FAM174C: variants seen among roughly 807,000 people sequenced by gnomAD.
FAM174C encodes the protein protein FAM174C.
Under a neutral mutation model 12.3 loss-of-function variants are expected in FAM174C, and 19 were observed. The observed-to-expected ratio is 1.55, with a 90% confidence interval of 1.08 to 2.27. FAM174C has a LOEUF of 2.27. Among genes scored for constraint, FAM174C ranks in the 30% most tolerant of loss-of-function variants. The probability of loss-of-function intolerance (pLI) is 0.00; values close to 1 mark genes in which losing one functional copy is unlikely to be tolerated. For missense variants in FAM174C, 239 were observed against 190.2 expected, an observed-to-expected ratio of 1.26 and a Z score of -1.51; for synonymous variants, 147 against 103.5, an observed-to-expected ratio of 1.42 and a Z score of -2.55.
At position 1,275,775 on chromosome 19, in the gene FAM174C, G is replaced by GT; in HGVS notation, c.227dup (p.Ile77AspfsTer18). The GT allele has an allele frequency of 6.5e-7, 1 of 1,539,758 alleles. No homozygotes were observed. Among genetic ancestry groups the GT allele is most frequent in the Middle Eastern group, 1.7e-4 (1 of 5,918 alleles). ...CTCGGCGCTGACGCGCTCCTTCTAC[G>GT]TGATCCTGGGCTTCTGCGGCCTGAC... is the stretch of plus-strand genomic sequence containing the variant. On this transcript the variant is annotated frameshift_variant, in exon 1 of 3. Transcript: ENST00000409293. LOFTEE classifies it high-confidence loss of function.
chr19:1,279,078 C>G lies in FAM174C; in HGVS notation c.*301C>G, dbSNP rs745631111. The G allele has an allele frequency of 3.1e-6, 5 of 1,612,392 alleles. No individual in the cohort carries two copies. In the East Asian group the frequency reaches 6.7e-5, roughly 22 times the overall value. ...AGCCACCGCCCAGGACGCTGAGGCT[C>G]CCTTGCCTGACTGTGACTTGTGCCT... On this transcript the variant is annotated 3_prime_UTR_variant, in exon 3 of 3. Coordinates refer to ENST00000409293, the MANE Select transcript of FAM174C (RefSeq NM_017914.4).
rs751527496 is a variant in FAM174C at position 1,278,836 on chromosome 19, C to T, written c.*59C>T. 7 of 1,612,962 alleles carry T rather than the reference C, an allele frequency of 4.3e-6. No homozygotes were observed. The Admixed American group carries it at 5.0e-5, about 12-fold the overall frequency. On this transcript the variant is annotated 3_prime_UTR_variant, in exon 3 of 3. Transcript: ENST00000409293. ...ATGAGGGAAGGACAGGAGATGGGGC[C>T]CACCCCAGTGCCCAGCAACCCCCTG...
chr19:1,277,552 C>T (rs930515688), intron 2 of FAM174C, among the ~76,000 whole-genome samples: 5 of 152,208 alleles, frequency 3.3e-5, no homozygotes, highest in Admixed American at 1.3e-4. Context: ...CTCACTGCAA[C>T]CTCCGCCTCC....
At position 1,275,753 on chromosome 19, in the gene FAM174C, G is replaced by T. The variant is rs1172740488; in HGVS notation, c.204G>T (p.Ser68=). 2 of 1,535,634 alleles carry T rather than the reference G, an allele frequency of 1.3e-6. No individual in the cohort carries two copies. Among genetic ancestry groups the T allele is most frequent in the Non-Finnish European group, 1.7e-6 (2 of 1,144,686 alleles). Residue 68 remains serine, a synonymous_variant, in exon 1 of 3, where the codon TCG becomes TCT. Transcript: ENST00000409293. ...THTRPPGASG[S]ALTRSFYVIL... The stretch of plus-strand genomic sequence containing the variant: ...CGCGTCCGCCGGGGGCGTCGGGCTC[G>T]GCGCTGACGCGCTCCTTCTACGTGA...
intron 2 of FAM174C, 94 bp from the exon 3 acceptor site, chr19:1,278,683 C>A: frequency 1.3e-6 from 2 of 1,568,882 alleles, no homozygotes; most frequent in Admixed American, 3.7e-5. Context: ...GGGGCCTGGA[C>A]AGGCTGCCTG....
chr19:1,276,022 C>T, intron 1 of FAM174C, 192 bp downstream of exon 1: 2 of 574,050 alleles, frequency 3.5e-6, no homozygotes, highest in South Asian at 2.1e-5. Context: ...ACGGGACTCA[C>T]CCGCTCTCCA....
intron 1 of FAM174C, 105 bp downstream of exon 1, chr19:1,275,935 C>CCTCT (rs2081412067): frequency 9.4e-7 from 1 of 1,058,854 alleles, no homozygotes; most frequent in Non-Finnish European, 1.4e-6. Flanking sequence ...TCCCTCCCTC[C>CCTCT]CTCCCTCTCT....
rs534666867 is a variant in FAM174C at position 1,279,171 on chromosome 19, C to G, written c.*394C>G. 4 of 1,612,736 alleles carry G rather than the reference C, an allele frequency of 2.5e-6. No homozygotes were observed. The highest frequency in any genetic ancestry group is 3.4e-6 in the Non-Finnish European group (4 of 1,179,822). The stretch of plus-strand genomic sequence containing the variant: ...TGGGTGGGCAGGTGACCCAAGGAAC[C>G]TTTCTGGGAACACCTTCTCGCCGGG... On this transcript the variant is annotated 3_prime_UTR_variant, in exon 3 of 3. Coordinates refer to ENST00000409293, the MANE Select transcript of FAM174C (RefSeq NM_017914.4).
At chr19:1,277,704 C>T (rs2081421594) in intron 2 of FAM174C, among the ~76,000 whole-genome samples, 2 of 152,016 alleles carry the variant, frequency 1.3e-5, no homozygotes, top group African/African-American at 2.4e-5. Flanking sequence ...CAGCTCCTTA[C>T]CTCAGGTGAT....
chr19:1,275,549 C>A lies in FAM174C; in HGVS notation c.-1C>A. The A allele has an allele frequency of 8.2e-7, 1 of 1,212,998 alleles. No homozygotes were observed. Among genetic ancestry groups the A allele is most frequent in the Non-Finnish European group, 1.0e-6 (1 of 976,792 alleles). The allele number at this position is 1,212,998 out of a possible 1,614,324, so 75.1% of individuals were successfully genotyped here. ...GGCGCCGCCACCGCTTCCGCCGGGCCATGGGGCCGCGCGTGCTGCAGCCGC... is the reference window on the plus strand; with the variant it reads ...GGCGCCGCCACCGCTTCCGCCGGGCAATGGGGCCGCGCGTGCTGCAGCCGC... On this transcript the variant is annotated 5_prime_UTR_variant, in exon 1 of 3. Coordinates refer to ENST00000409293, the MANE Select transcript of FAM174C (RefSeq NM_017914.4).
chr19:1,275,961 C>A, intron 1 of FAM174C, 131 bp downstream of exon 1: 1 of 862,478 alleles, frequency 1.2e-6, no homozygotes, highest in Non-Finnish European at 1.7e-6. Flanking sequence ...TTGGAGTGGG[C>A]GTGGGCGGTG....
At chr19:1,278,202 C>CCTCTCTCT (rs1191499115) in intron 2 of FAM174C, among the ~76,000 whole-genome samples, 1 of 152,270 alleles carries the variant, frequency 6.6e-6, no homozygotes, top group Admixed American at 6.5e-5. Context: ...TCTGAGCGGG[C>CCTCTCTCT]GGGGTCAGGG....
rs1395843865 is a variant in FAM174C, at chr19:1,275,764, G to A, written c.215G>A (p.Arg72His). 23 of 1,538,668 alleles carry A rather than the reference G, an allele frequency of 1.5e-5. No individual in the cohort carries two copies. Among genetic ancestry groups the A allele is most frequent in the Admixed American group, 2.0e-5 (1 of 50,920 alleles). The stretch of plus-strand genomic sequence containing the variant: ...GGGGCGTCGGGCTCGGCGCTGACGC[G>A]CTCCTTCTACGTGATCCTGGGCTTC... Reference protein sequence around the residue: ...PPGASGSALTRSFYVILGFCG... With the variant: ...PPGASGSALTHSFYVILGFCG... The change falls in exon 1 of 3, where the codon CGC (arginine) becomes CAC (histidine). Residue 72 changes from arginine to histidine, a missense_variant. By Grantham distance (29) the Arg-to-His change is conservative (BLOSUM62 0). Transcript: ENST00000409293.
chr19:1,277,562 C>T (rs907677299), intron 2 of FAM174C, among the ~76,000 whole-genome samples: 2 of 152,150 alleles, frequency 1.3e-5, no homozygotes, highest in African/African-American at 4.8e-5. Context: ...CCTCCGCCTC[C>T]GGGATTGAGG....
Position 1,275,746 on chromosome 19 carries a change from C to T in FAM174C, c.197C>T (p.Ser66Leu), listed in dbSNP as rs1442533528. ...ACGCACACGCGTCCGCCGGGGGCGT[C>T]GGGCTCGGCGCTGACGCGCTCCTTC... ...NSTHTRPPGA[S>L]GSALTRSFYV... Residue 66 changes from serine (S) to leucine (L), a missense_variant, in exon 1 of 3, where the codon TCG becomes TTG. Physicochemically the swap from Ser to Leu is moderately radical, Grantham distance 145. Transcript: ENST00000409293. 3.3e-6 allele frequency: 5 copies of T among 1,535,182 alleles called. No homozygotes were observed. Among genetic ancestry groups the T allele is most frequent in the Admixed American group, 2.0e-5 (1 of 50,646 alleles).
rs77424640 is a variant in FAM174C at position 1,278,856 on chromosome 19, C to A, written c.*79C>A. 6.2e-7 allele frequency: 1 copy of A among 1,612,894 alleles called. No homozygotes were observed. The highest frequency in any genetic ancestry group is 8.5e-7 in the Non-Finnish European group (1 of 1,179,828). ...GGGGCCCACCCCAGTGCCCAGCAACCCCCTGCTCCACCGCTCATTCCCCTG... is the reference window on the plus strand; with the variant it reads ...GGGGCCCACCCCAGTGCCCAGCAACACCCTGCTCCACCGCTCATTCCCCTG... On this transcript the variant is annotated 3_prime_UTR_variant, in exon 3 of 3. Coordinates refer to ENST00000409293, the MANE Select transcript of FAM174C (RefSeq NM_017914.4).
chr19:1,275,931 C>T lies in FAM174C; in HGVS notation c.281+101C>T, dbSNP rs186215675. 1,242 of 1,031,236 alleles carry T rather than the reference C, an allele frequency of 1.2e-3. 23 individuals carry two copies. In the Admixed American group the frequency reaches 0.017, roughly 14 times the overall value. 63.9% of individuals were successfully genotyped at this position (1,031,236 alleles called of 1,614,324 possible). A position where few individuals can be genotyped will look rare whatever the true frequency, so the allele number is the denominator to read the frequency against. Reference sequence around the variant, plus strand: ...CGCGGGGTCCTCCCCTCCCTCCCTCCCTCCCTCCCTCTCTCCCTGTTGGAG... The same window carrying T: ...CGCGGGGTCCTCCCCTCCCTCCCTCTCTCCCTCCCTCTCTCCCTGTTGGAG... On this transcript the variant is annotated intron_variant, in intron 1 of 2. Transcript: ENST00000409293.
In FAM174C at chr19:1,278,963, T is replaced by G. The variant is rs746272097; in HGVS notation, c.*186T>G. ...CACAGCCCGCCGACCTGTTGCCACCTGCACCCACCGCTGGACCATGCAGCC... is the reference window on the plus strand; with the variant it reads ...CACAGCCCGCCGACCTGTTGCCACCGGCACCCACCGCTGGACCATGCAGCC... On this transcript the variant is annotated 3_prime_UTR_variant, in exon 3 of 3. Coordinates refer to ENST00000409293, the MANE Select transcript of FAM174C (RefSeq NM_017914.4). 1 of 1,612,710 alleles carries G rather than the reference T, an allele frequency of 6.2e-7. No homozygotes were observed. Among genetic ancestry groups the G allele is most frequent in the East Asian group, 2.2e-5 (1 of 44,880 alleles).
At chr19:1,276,517 C>T (rs889143055) in intron 1 of FAM174C, 1 of 152,528 alleles carries the variant, frequency 6.6e-6, no homozygotes, top group African/African-American at 2.4e-5. Context: ...GGACCTTATC[C>T]CTCCCCATCA....
Sources: allele counts gnomAD v4.1 joint callset (sites outside exome capture counted in the v4.1 genomes callset), GRCh38; gene constraint gnomAD v4.1.1; transcripts MANE v1.5; gene names NCBI Gene and HGNC (gene_info 2026-07-23, HGNC 2026-07-21).